The following MYO18B variants were observed in gnomAD, a reference collection of about 807,000 sequenced individuals.
MYO18B encodes unconventional myosin-XVIIIb.
In MYO18B, 204 loss-of-function variants were observed where a neutral mutation model predicts 273.0. The ratio of observed to expected loss-of-function variants is 0.75; its 90% CI spans 0.67 to 0.84. MYO18B has a LOEUF of 0.84. Ranked by LOEUF, MYO18B falls within the 40% of genes least tolerant of loss-of-function variation. The probability of loss-of-function intolerance (pLI) is 0.00; values close to 1 mark genes in which losing one functional copy is unlikely to be tolerated. For missense variants in MYO18B, 3,212 were observed against 3,287.6 expected (o/e 0.98, Z 0.56); for synonymous variants, 1,330 against 1,305.7 (o/e 1.02, Z -0.40).
intron 38 of MYO18B, chr22:25,953,436 C>T (rs2092814400): frequency 6.6e-6 from 1 of 152,236 alleles, no homozygotes; most frequent in African/African-American, 2.4e-5. Flanking sequence ...CAGCTGGCTT[C>T]ACCACAGTAA....
intron 39 of MYO18B, among the ~76,000 whole-genome samples, chr22:25,984,378 G>A (rs887425806): frequency 1.5e-4 from 22 of 148,956 alleles, no homozygotes; most frequent in Non-Finnish European, 1.0e-4. Context: ...AGCTTCACTC[G>A]GATCCACACA....
At chr22:25,946,351 A>T (rs1316046569) in intron 35 of MYO18B, 101 bp downstream of exon 35, 1 of 737,762 alleles carries the variant, frequency 1.4e-6, no homozygotes, top group African/African-American at 1.8e-5. Flanking sequence ...AAGTATGAGG[A>T]CATTTATTGT....
intron 42 of MYO18B, chr22:26,006,512 A>G: frequency 3.5e-6 from 1 of 286,992 alleles, no homozygotes; most frequent in Admixed American, 3.8e-5. Context: ...TAGAAAGCAT[A>G]ATCTATAGGA....
rs2092837049 is a variant in MYO18B at position 25,955,312 on chromosome 22, T to C, written c.6104T>C (p.Met2035Thr). ...CGCCTGGAAGAGCTGAAGGCCGACATGGAAGAGCTGGTGCAGCGGGAGGCA... is the reference window on the plus strand; with the variant it reads ...CGCCTGGAAGAGCTGAAGGCCGACACGGAAGAGCTGGTGCAGCGGGAGGCA... ...QRRLEELKADMEELVQREAEA... is the reference protein window; with the variant it reads ...QRRLEELKADTEELVQREAEA... Residue 2035 changes from methionine to threonine, a missense_variant, in exon 39 of 44, where the codon ATG (methionine) becomes ACG (threonine). By Grantham distance (81) the Met-to-Thr change is moderately conservative. Transcript: ENST00000335473. 6.2e-7 allele frequency: 1 copy of C among 1,613,674 alleles called. No individual in the cohort carries two copies. The highest frequency in any genetic ancestry group is 8.5e-7 in the Non-Finnish European group (1 of 1,179,772).
Position 25,895,179 on chromosome 22 carries a change from G to A in MYO18B, c.4567G>A (p.Asp1523Asn), listed in dbSNP as rs1281740002. 1.9e-6 allele frequency: 3 copies of A among 1,612,174 alleles called. No individual in the cohort carries two copies. The highest frequency in any genetic ancestry group is 1.7e-5 in the Admixed American group (1 of 59,836). The change falls in exon 28 of 44, where the codon GAC becomes AAC. Residue 1523 changes from aspartate to asparagine, a missense_variant. By Grantham distance (23) the Asp-to-Asn change is conservative. Coordinates refer to ENST00000335473, the MANE Select transcript of MYO18B (RefSeq NM_032608.7). ...GGADEWQMRF[D>N]CAQMENEFLR... Reference sequence around the variant, plus strand: ...AGCAGACGAGTGGCAGATGCGCTTCGACTGTGCTCAGATGGAGAACGAGTT... The same window carrying A: ...AGCAGACGAGTGGCAGATGCGCTTCAACTGTGCTCAGATGGAGAACGAGTT...
intron 16 of MYO18B, 50 bp from the exon 17 acceptor site, chr22:25,835,246 G>T (rs749188810): frequency 6.3e-7 from 1 of 1,579,812 alleles, no homozygotes; most frequent in South Asian, 1.2e-5. Flanking sequence ...CCCAAGACAG[G>T]CTTCTGATGG....
intron 39 of MYO18B, among the ~76,000 whole-genome samples, chr22:25,977,790 CA>C (rs2093107945): frequency 1.3e-5 from 2 of 152,322 alleles, no homozygotes; most frequent in Admixed American, 6.5e-5. Context: ...TGCAATGTGT[CA>C]AACACTTCCT....
intron 12 of MYO18B, among the ~76,000 whole-genome samples, chr22:25,798,616 G>A (rs1427695214): frequency 6.6e-6 from 1 of 152,044 alleles, no homozygotes; most frequent in African/African-American, 2.4e-5. Context: ...CAGGGCAGTA[G>A]TGGTGCGATC....
chr22:26,025,438 C>T (rs1432540738), intron 42 of MYO18B, among the ~76,000 whole-genome samples: 1 of 152,168 alleles, frequency 6.6e-6, no homozygotes, highest in African/African-American at 2.4e-5. Context: ...ATCCTACAAT[C>T]GTCCTGATTG....
At chr22:25,804,173 G>A (rs2088356532) in intron 12 of MYO18B, among the ~76,000 whole-genome samples, 1 of 152,162 alleles carries the variant, frequency 6.6e-6, no homozygotes, top group Admixed American at 6.5e-5. Context: ...TTTGGGTTTT[G>A]TTTCACCTTT....
intron 38 of MYO18B, among the ~76,000 whole-genome samples, chr22:25,952,741 T>C (rs2092807123): frequency 6.6e-6 from 1 of 152,200 alleles, no homozygotes; most frequent in Admixed American, 6.5e-5. Context: ...TATTTTTTCT[T>C]TAGCCCTCAA....
intron 42 of MYO18B, among the ~76,000 whole-genome samples, chr22:26,013,264 G>A (rs890656201): frequency 6.6e-6 from 1 of 152,180 alleles, no homozygotes; most frequent in African/African-American, 2.4e-5. Context: ...ATTTTTGGCT[G>A]TCATGCTACT....
intron 7 of MYO18B, among the ~76,000 whole-genome samples, chr22:25,776,426 C>A (rs2145632540): frequency 6.6e-6 from 1 of 152,250 alleles, no homozygotes; most frequent in South Asian, 2.1e-4. Flanking sequence ...GGTGAAACCC[C>A]ATTTCTACTA....
intron 43 of MYO18B, chr22:26,028,345 T>G (rs1290632920): frequency 6.6e-6 from 1 of 152,014 alleles, no homozygotes. Flanking sequence ...TTGAAGGAGC[T>G]GTGATGGCGT....
intron 39 of MYO18B, among the ~76,000 whole-genome samples, chr22:25,991,430 C>T (rs376449087): frequency 1.5e-4 from 23 of 152,238 alleles, no homozygotes; most frequent in Middle Eastern, 6.8e-3. Flanking sequence ...CCCCAAGTTG[C>T]GACTGCCAAA....
rs750563302 is a variant in MYO18B at position 25,868,335 on chromosome 22, C to G, written c.3901C>G (p.Leu1301Val). The G allele has an allele frequency of 5.6e-6, 9 of 1,603,274 alleles. No individual in the cohort carries two copies. The Admixed American group carries it at 1.5e-4, about 27-fold the overall frequency. ...TTTTCCCCAGGCCGTGGAGGAGCTC[C>G]TGGAGACCCTGGATCTGGAAAAGAA... ...IDERKAVEEL[L>V]ETLDLEKKAV... The change falls in exon 22 of 44, where the codon CTG becomes GTG. Residue 1301 changes from leucine (L) to valine (V), a missense_variant. Coordinates refer to ENST00000335473, the MANE Select transcript of MYO18B (RefSeq NM_032608.7).
At chr22:25,795,609 A>G (rs1037369200) in intron 11 of MYO18B, among the ~76,000 whole-genome samples, 2 of 152,298 alleles carry the variant, frequency 1.3e-5, no homozygotes, top group East Asian at 1.9e-4. Flanking sequence ...ATAACAGAGT[A>G]TGTTGCTAAG....
intron 39 of MYO18B, among the ~76,000 whole-genome samples, chr22:25,981,380 G>T (rs992150951): frequency 6.6e-6 from 1 of 152,316 alleles, no homozygotes; most frequent in East Asian, 1.9e-4. Context: ...AGTGATCTGT[G>T]TCTCTGGCAT....
intron 42 of MYO18B, among the ~76,000 whole-genome samples, chr22:26,015,068 C>T (rs527470686): frequency 7.9e-4 from 120 of 152,136 alleles, no homozygotes; most frequent in African/African-American, 2.7e-3. Context: ...TAATTTGATC[C>T]CATTTGTCAA....
Sources: gnomAD v4.1 joint callset for allele counts (sites outside exome capture counted in the v4.1 genomes callset) on GRCh38, gnomAD v4.1.1 for gene constraint, MANE v1.5 for transcripts, NCBI Gene and HGNC (gene_info 2026-07-23, HGNC 2026-07-21) for gene names.